FMN2: variants seen among roughly 807,000 people sequenced by gnomAD.
The protein encoded by FMN2 is formin 2.
Under a neutral mutation model 142.3 loss-of-function variants are expected in FMN2, and 51 were observed. The ratio of observed to expected loss-of-function variants is 0.36; its 90% CI spans 0.29 to 0.45. FMN2 has a LOEUF of 0.45. Ranked by LOEUF, FMN2 falls within the 20% of genes least tolerant of loss-of-function variation. The pLI is 1.00. For missense variants in FMN2, 1,936 were observed against 2,122.8 expected, an observed-to-expected ratio of 0.91 and a Z score of 1.73; for synonymous variants, 882 against 869.8, an observed-to-expected ratio of 1.01 and a Z score of -0.25.
intron 6 of FMN2, among the ~76,000 whole-genome samples, chr1:240,212,056 G>A (rs1156622138): frequency 6.6e-6 from 1 of 152,122 alleles, no homozygotes; most frequent in Non-Finnish European, 1.5e-5. Flanking sequence ...CAAAGGAATG[G>A]CAAGCAGCTC....
chr1:240,351,535 T>C (rs1451546449), intron 13 of FMN2, among the ~76,000 whole-genome samples: 2 of 152,204 alleles, frequency 1.3e-5, no homozygotes, highest in Non-Finnish European at 2.9e-5. Context: ...AAATAGTTTT[T>C]GCATGCATTG....
At chr1:240,113,713 C>T (rs1661909847) in intron 1 of FMN2, among the ~76,000 whole-genome samples, 1 of 152,184 alleles carries the variant, frequency 6.6e-6, no homozygotes, top group African/African-American at 2.4e-5. Flanking sequence ...AATAAAAGTT[C>T]ATGTCTCTGT....
chr1:240,425,598 A>G (rs1385764147), intron 15 of FMN2, among the ~76,000 whole-genome samples: 3 of 152,160 alleles, frequency 2.0e-5, no homozygotes, highest in African/African-American at 7.2e-5. Flanking sequence ...AACATGAGAC[A>G]GTGCTTATCA....
intron 14 of FMN2, among the ~76,000 whole-genome samples, chr1:240,392,215 T>C (rs186562088): frequency 1.2e-4 from 19 of 152,154 alleles, no homozygotes; most frequent in Admixed American, 1.2e-3. Flanking sequence ...ATGAAACTAG[T>C]GTTTTCTTTT....
chr1:240,419,190 C>T (rs190432952), intron 15 of FMN2, among the ~76,000 whole-genome samples: 1 of 152,200 alleles, frequency 6.6e-6, no homozygotes, highest in East Asian at 1.9e-4. Context: ...ACATTTTTAC[C>T]CTGTGTATTT....
intron 2 of FMN2, among the ~76,000 whole-genome samples, chr1:240,159,891 A>G (rs1185390535): frequency 7.4e-6 from 1 of 134,456 alleles, no homozygotes; most frequent in Non-Finnish European, 1.5e-5. Context: ...GGAGAGATAT[A>G]TATATATATC....
intron 6 of FMN2, 95 bp from the exon 7 acceptor site, chr1:240,257,845 TTTCTC>T (rs1190217406): frequency 1.0e-6 from 1 of 979,802 alleles, no homozygotes; most frequent in Admixed American, 2.1e-5. Flanking sequence ...CGTGAGATCT[TTTCTC>T]TGAATTTGTT....
At chr1:240,328,282 ATAGT>A (rs942887693) in intron 8 of FMN2, among the ~76,000 whole-genome samples, 6 of 151,466 alleles carry the variant, frequency 4.0e-5, no homozygotes, top group African/African-American at 1.4e-4. Flanking sequence ...AATGATTTCC[ATAGT>A]TAAATAAATA....
rs879538913 is a variant in FMN2, at chr1:240,311,340, TAGAG to T, written c.4215+16458_4215+16461del. On this transcript the variant is annotated intron_variant, in intron 8 of 17. Coordinates refer to ENST00000319653, the MANE Select transcript of FMN2 (RefSeq NM_020066.5). ...ACTGTTCTGTGTTCCCATAACTTCC[TAGAG>T]GAATTTAATTGATTCATGTTTTAAG... is the stretch of plus-strand genomic sequence containing the variant. Among the ~76,000 whole-genome samples the T allele has an allele frequency of 2.8e-3, 430 of 152,280 alleles. 2 individuals are homozygous for T. Among genetic ancestry groups the T allele is most frequent in the South Asian group, 0.017 (82 of 4,828 alleles).
chr1:240,294,973 C>A, intron 8 of FMN2, 90 bp downstream of exon 8: 2 of 1,166,460 alleles, frequency 1.7e-6, no homozygotes, highest in Non-Finnish European at 2.4e-6. Context: ...TTTTAAGGTC[C>A]TCTAAAGAAA....
chr1:240,361,115 T>TATA (rs1217870815), intron 14 of FMN2, among the ~76,000 whole-genome samples: 5 of 134,008 alleles, frequency 3.7e-5, no homozygotes, highest in African/African-American at 1.3e-4. Context: ...GAACTTAAAG[T>TATA]ATAATAATAA....
Position 240,452,090 on chromosome 1 carries a change from C to T in FMN2, c.5060+13880C>T, listed in dbSNP as rs373044245. ...CCTGTAGTCCCAGCTACTCAGGAGGCTGAGGCAGGAGAGTCACTTGAACCT... is the reference window on the plus strand; with the variant it reads ...CCTGTAGTCCCAGCTACTCAGGAGGTTGAGGCAGGAGAGTCACTTGAACCT... On this transcript the variant is annotated intron_variant, in intron 16 of 17. Transcript: ENST00000319653. 9.2e-4 allele frequency among the ~76,000 whole-genome samples: 140 copies of T among 152,070 alleles called. 1 individual carries two copies. The highest frequency in any genetic ancestry group is 3.2e-3 in the African/African-American group (132 of 41,478).
intron 2 of FMN2, among the ~76,000 whole-genome samples, chr1:240,160,419 C>T (rs1026713618): frequency 1.1e-4 from 16 of 150,770 alleles, no homozygotes; most frequent in Non-Finnish European, 2.1e-4. Context: ...AGGTCAGCTT[C>T]ACATTTAAAA....
intron 16 of FMN2, among the ~76,000 whole-genome samples, chr1:240,448,131 A>ACAT (rs1282399996): frequency 1.3e-5 from 2 of 152,230 alleles, no homozygotes; most frequent in Non-Finnish European, 2.9e-5. Context: ...GAAACTACAA[A>ACAT]CATGAGTATT....
At chr1:240,281,655 T>TA (rs1669399842) in intron 7 of FMN2, among the ~76,000 whole-genome samples, 1 of 152,222 alleles carries the variant, frequency 6.6e-6, no homozygotes, top group South Asian at 2.1e-4. Flanking sequence ...ATTTTTGTCT[T>TA]ACAGTTTTTA....
Position 240,423,831 on chromosome 1 carries a change from C to G in FMN2, c.4911-14230C>G, listed in dbSNP as rs199995083. On this transcript the variant is annotated intron_variant, in intron 15 of 17. Coordinates refer to ENST00000319653, the MANE Select transcript of FMN2 (RefSeq NM_020066.5). ...TCACAGTGTCTCAAAATAGCCAGAA[C>G]TGCTGCATTGACAGTTGAGATAGGG... Among the ~76,000 whole-genome samples, 4 of 152,320 alleles carry G rather than the reference C, an allele frequency of 2.6e-5. No homozygotes were observed. In the East Asian group the frequency reaches 7.7e-4, roughly 29 times the overall value.
intron 7 of FMN2, among the ~76,000 whole-genome samples, chr1:240,266,020 C>CTTCTT (rs11408550): frequency 1.2e-4 from 16 of 136,424 alleles, no homozygotes; most frequent in African/African-American, 4.4e-4. Flanking sequence ...CTGTTACTTC[C>CTTCTT]TTTTTTTTTT....
At chr1:240,443,398 AC>A (rs1675690973) in intron 16 of FMN2, among the ~76,000 whole-genome samples, 1 of 152,218 alleles carries the variant, frequency 6.6e-6, no homozygotes, top group Non-Finnish European at 1.5e-5. Flanking sequence ...ACTGAGCAAC[AC>A]AAAACATGTG....
intron 8 of FMN2, among the ~76,000 whole-genome samples, chr1:240,312,065 T>C (rs999678898): frequency 6.6e-6 from 1 of 152,192 alleles, no homozygotes; most frequent in African/African-American, 2.4e-5. Context: ...CAGAGAGCAG[T>C]TTCATGTTCA....
Sources: allele counts gnomAD v4.1 joint callset (sites outside exome capture counted in the v4.1 genomes callset), GRCh38; gene constraint gnomAD v4.1.1; transcripts MANE v1.5; gene names NCBI Gene and HGNC (gene_info 2026-07-23, HGNC 2026-07-21).